SUCLG2: variants seen among roughly 807,000 people sequenced by gnomAD.
SUCLG2 encodes succinate--CoA ligase [GDP-forming] subunit beta, mitochondrial.
In SUCLG2, 42 loss-of-function variants were observed where a neutral mutation model predicts 47.9. The ratio of observed to expected loss-of-function variants is 0.88; its 90% CI spans 0.69 to 1.14. The LOEUF is 1.14. Ranked by LOEUF, SUCLG2 falls within the 50% of genes most tolerant of loss-of-function variation. The pLI is 0.00. For missense variants in SUCLG2, 571 were observed against 525.9 expected, an observed-to-expected ratio of 1.09 and a Z score of -0.84; for synonymous variants, 195 against 197.3, an observed-to-expected ratio of 0.99 and a Z score of 0.10.
intron 10 of SUCLG2, among the ~76,000 whole-genome samples, chr3:67,389,229 CAGA>C (rs1559507269): frequency 2.0e-5 from 3 of 152,116 alleles, no homozygotes; most frequent in African/African-American, 7.2e-5. Flanking sequence ...ATCTGTGAAC[CAGA>C]AGAATGATGG....
At chr3:67,435,835 C>G (rs1703605997) in intron 9 of SUCLG2, among the ~76,000 whole-genome samples, 1 of 152,174 alleles carries the variant, frequency 6.6e-6, no homozygotes, top group African/African-American at 2.4e-5. Context: ...ACGAACATAG[C>G]TAAATGGAAT....
chr3:67,452,402 GA>G (rs1191866707), intron 9 of SUCLG2, among the ~76,000 whole-genome samples: 2 of 152,140 alleles, frequency 1.3e-5, no homozygotes, highest in African/African-American at 4.8e-5. Flanking sequence ...TTACAAAGAC[GA>G]GACTGGTTTG....
chr3:67,544,151 C>T (rs934503840), intron 2 of SUCLG2, among the ~76,000 whole-genome samples: 3 of 152,110 alleles, frequency 2.0e-5, no homozygotes, highest in Non-Finnish European at 4.4e-5. Context: ...GAAATAGACA[C>T]AAACAAATTA....
intron 4 of SUCLG2, among the ~76,000 whole-genome samples, chr3:67,521,792 GT>G (rs1706113375): frequency 6.6e-6 from 1 of 151,690 alleles, no homozygotes; most frequent in Non-Finnish European, 1.5e-5. Context: ...GCTAATTTTT[GT>G]ATTTTTAGTA....
intron 1 of SUCLG2, among the ~76,000 whole-genome samples, chr3:67,642,993 T>C (rs1344312535): frequency 1.3e-5 from 2 of 152,048 alleles, no homozygotes; most frequent in African/African-American, 4.8e-5. Flanking sequence ...TCCTGGTTCC[T>C]GGCAAACAGG....
rs1163305953 is a variant in SUCLG2 at position 67,495,816 on chromosome 3, C to T, written c.1044G>A (p.Leu348=). 3 of 1,613,762 alleles carry T rather than the reference C, an allele frequency of 1.9e-6. No individual in the cohort carries two copies. In the East Asian group the frequency reaches 6.7e-5, roughly 36 times the overall value. Residue 348 remains leucine, a synonymous_variant, in exon 9 of 11, where the codon TTG becomes TTA. Transcript: ENST00000307227. ...KEAQVYQAFK[L]LTADPKVEAI... is the part of the protein sequence containing the mutation. ...AGGTTACCTTAGGATCAGCTGTGAGCAATTTGAATGCTTGATATACTTGAG... is the reference window on the plus strand; with the variant it reads ...AGGTTACCTTAGGATCAGCTGTGAGTAATTTGAATGCTTGATATACTTGAG...
At chr3:67,449,837 C>T (rs1704011918) in intron 9 of SUCLG2, among the ~76,000 whole-genome samples, 1 of 152,092 alleles carries the variant, frequency 6.6e-6, no homozygotes, top group African/African-American at 2.4e-5. Context: ...TGATCTTGAA[C>T]TCCTGGCCTC....
chr3:67,443,163 G>C (rs949962950), intron 9 of SUCLG2, among the ~76,000 whole-genome samples: 10 of 152,112 alleles, frequency 6.6e-5, no homozygotes, highest in African/African-American at 2.2e-4. Flanking sequence ...ATGTGTCTAG[G>C]TTATATGCAT....
chr3:67,466,164 C>T (rs1306515649), intron 9 of SUCLG2, among the ~76,000 whole-genome samples: 3 of 152,020 alleles, frequency 2.0e-5, no homozygotes, highest in Non-Finnish European at 4.4e-5. Context: ...ACCAGCCTGG[C>T]CAACATGGTG....
Position 67,518,346 on chromosome 3 carries a change from A to T in SUCLG2, c.571-10T>A. ...AAATGTCAATTTGCTCCTAGTAAAA[A>T]TAAATCAAATAAACAAAATTCAGAC... On this transcript the variant is annotated splice_polypyrimidine_tract_variant and intron_variant, in intron 5 of 10. Coordinates refer to ENST00000307227, the MANE Select transcript of SUCLG2 (RefSeq NM_003848.4). 6.2e-7 allele frequency: 1 copy of T among 1,602,034 alleles called. No homozygotes were observed. Among genetic ancestry groups the T allele is most frequent in the African/African-American group, 1.3e-5 (1 of 74,704 alleles).
intron 2 of SUCLG2, among the ~76,000 whole-genome samples, chr3:67,566,627 T>G (rs1707459708): frequency 6.6e-6 from 1 of 152,210 alleles, no homozygotes; most frequent in Non-Finnish European, 1.5e-5. Context: ...TGGTGGATTT[T>G]GCAAAGTAAC....
At chr3:67,568,776 A>C (rs1707535196) in intron 2 of SUCLG2, among the ~76,000 whole-genome samples, 1 of 152,178 alleles carries the variant, frequency 6.6e-6, no homozygotes. Context: ...AGTCCCAGCT[A>C]CTGGGGAGGC....
chr3:67,395,301 A>G (rs558456031), intron 10 of SUCLG2, among the ~76,000 whole-genome samples: 33 of 152,298 alleles, frequency 2.2e-4, no homozygotes, highest in Non-Finnish European at 4.0e-4. Context: ...AGACACACAT[A>G]GGCTCAAAAT....
chr3:67,473,178 AT>A (rs1358886181), intron 9 of SUCLG2, among the ~76,000 whole-genome samples: 1 of 67,030 alleles, frequency 1.5e-5, no homozygotes, highest in Non-Finnish European at 3.1e-5. Context: ...GGATGACTTT[AT>A]TTTTATTTAT....
intron 9 of SUCLG2, among the ~76,000 whole-genome samples, chr3:67,433,222 C>G (rs1307678854): frequency 6.6e-6 from 1 of 152,028 alleles, no homozygotes; most frequent in African/African-American, 2.4e-5. Flanking sequence ...TTTGAAAAAC[C>G]CTAAAGTTGA....
In SUCLG2 at chr3:67,646,719, C is replaced by T. The variant is rs534869154; in HGVS notation, c.84+7784G>A. Among the ~76,000 whole-genome samples the T allele has an allele frequency of 3.9e-5, 6 of 152,194 alleles. 1 individual carries two copies. Among genetic ancestry groups the T allele is most frequent in the African/African-American group, 9.6e-5 (4 of 41,516 alleles). The stretch of plus-strand genomic sequence containing the variant: ...CACAAGATCACAAAGCTATGGAGTG[C>T]TGAAGGCAAGAGTTAAACCCGGGCA... On this transcript the variant is annotated intron_variant, in intron 1 of 10. Transcript: ENST00000307227.
intron 2 of SUCLG2, among the ~76,000 whole-genome samples, chr3:67,552,440 G>GTA (rs1707042826): frequency 6.6e-6 from 1 of 152,216 alleles, no homozygotes; most frequent in African/African-American, 2.4e-5. Flanking sequence ...AAAAAAGACA[G>GTA]TAGTCTGAAT....
intron 10 of SUCLG2, among the ~76,000 whole-genome samples, chr3:67,399,962 C>G (rs1702645453): frequency 6.6e-6 from 1 of 152,160 alleles, no homozygotes; most frequent in Non-Finnish European, 1.5e-5. Context: ...AGGAGGATCA[C>G]TTGAAGCCAG....
intron 2 of SUCLG2, among the ~76,000 whole-genome samples, chr3:67,582,186 G>A (rs1707897716): frequency 6.6e-6 from 1 of 152,040 alleles, no homozygotes; most frequent in Non-Finnish European, 1.5e-5. Context: ...ATGTCTCAGG[G>A]GTTTGTTATA....
Sources: allele counts gnomAD v4.1 joint callset (sites outside exome capture counted in the v4.1 genomes callset), GRCh38; gene constraint gnomAD v4.1.1; transcripts MANE v1.5; gene names NCBI Gene and HGNC (gene_info 2026-07-23, HGNC 2026-07-21).